The following CNKSR3 variants were observed in gnomAD, a reference collection of about 807,000 sequenced individuals.
CNKSR3 encodes CNKSR family member 3, also known as connector enhancer of kinase suppressor of ras 3.
Under a neutral mutation model 67.7 loss-of-function variants are expected in CNKSR3, and 36 were observed. That is an observed-to-expected ratio of 0.53 (90% confidence interval 0.41 to 0.70). The LOEUF (loss-of-function observed/expected upper bound fraction) is 0.70, where lower values mean the gene tolerates loss of function less well. Among genes scored for constraint, CNKSR3 ranks in the 30% least tolerant of loss-of-function variants. CNKSR3 has a pLI of 0.00. For missense variants in CNKSR3, 630 were observed against 695.2 expected (o/e 0.91, Z 1.05); for synonymous variants, 281 against 271.4 (o/e 1.04, Z -0.35).
chr6:154,499,192 C>A (rs2114657309), intron 1 of CNKSR3, among the ~76,000 whole-genome samples: 1 of 152,354 alleles, frequency 6.6e-6, no homozygotes, highest in Admixed American at 6.5e-5. Context: ...CATTACTCAT[C>A]TACTTAAATA....
chr6:154,470,078 A>G (rs1786289655), intron 1 of CNKSR3, among the ~76,000 whole-genome samples: 1 of 151,578 alleles, frequency 6.6e-6, no homozygotes, highest in African/African-American at 2.4e-5. Context: ...TCAAGGGTCT[A>G]CTGTAATTTG....
chr6:154,419,685 T>C (rs1328036690), intron 9 of CNKSR3, among the ~76,000 whole-genome samples: 2 of 152,138 alleles, frequency 1.3e-5, no homozygotes, highest in African/African-American at 4.8e-5. Flanking sequence ...ACCCTCATGT[T>C]CACTGCAGCA....
chr6:154,481,643 T>A (rs1309909575), intron 1 of CNKSR3, among the ~76,000 whole-genome samples: 1 of 152,232 alleles, frequency 6.6e-6, no homozygotes, highest in Admixed American at 6.5e-5. Flanking sequence ...TTATGCTGTA[T>A]GATTTTATGC....
chr6:154,458,165 T>C (rs1785998408), intron 1 of CNKSR3, among the ~76,000 whole-genome samples: 1 of 152,236 alleles, frequency 6.6e-6, no homozygotes, highest in African/African-American at 2.4e-5. Context: ...ATTTACTACC[T>C]GGCCCAGGTT....
chr6:154,471,245 T>C (rs900173401), intron 1 of CNKSR3, among the ~76,000 whole-genome samples: 1 of 152,222 alleles, frequency 6.6e-6, no homozygotes, highest in African/African-American at 2.4e-5. Flanking sequence ...AAGTCACTGC[T>C]ATAAATATGT....
intron 1 of CNKSR3, among the ~76,000 whole-genome samples, chr6:154,495,007 C>G (rs894345060): frequency 2.0e-5 from 3 of 152,174 alleles, no homozygotes; most frequent in Admixed American, 2.0e-4. Context: ...ATTTTGTAGT[C>G]GATGACTTAG....
In CNKSR3 at chr6:154,389,354, C is replaced by T. The variant is rs68098758; in HGVS notation, c.*17000G>A. On this transcript the variant is annotated 3_prime_UTR_variant, in exon 13 of 13. Transcript: ENST00000607772. ...CCATGTGTTGAAGAGACTATCCTTTCCCCATTATGTATTCTTGGCACCATT... is the reference window on the plus strand; with the variant it reads ...CCATGTGTTGAAGAGACTATCCTTTTCCCATTATGTATTCTTGGCACCATT... The T allele has an allele frequency of 0.11, 16,166 of 152,450 alleles. 1,162 individuals are homozygous for T. Among genetic ancestry groups the T allele is most frequent in the Admixed American group, 0.24 (3,674 of 15,286 alleles). The allele number at this position is 152,450 out of a possible 1,614,324, so 9.4% of individuals were successfully genotyped here.
chr6:154,454,732 G>A (rs1201011387), intron 1 of CNKSR3, among the ~76,000 whole-genome samples: 1 of 151,610 alleles, frequency 6.6e-6, no homozygotes, highest in African/African-American at 2.4e-5. Context: ...ATGTTGCCCA[G>A]GCTGGTCTTG....
intron 1 of CNKSR3, among the ~76,000 whole-genome samples, chr6:154,498,990 T>C (rs974815883): frequency 6.6e-6 from 1 of 152,144 alleles, no homozygotes; most frequent in Non-Finnish European, 1.5e-5. Flanking sequence ...AAATTCCACA[T>C]GAAAGCTAAA....
At chr6:154,500,472 T>C (rs1311606443) in intron 1 of CNKSR3, among the ~76,000 whole-genome samples, 2 of 152,178 alleles carry the variant, frequency 1.3e-5, no homozygotes, top group Non-Finnish European at 2.9e-5. Context: ...ACAGACTGTC[T>C]CCTTTTGGGG....
intron 6 of CNKSR3, 45 bp downstream of exon 6, chr6:154,430,427 T>C: frequency 6.5e-7 from 1 of 1,537,880 alleles, no homozygotes; most frequent in Non-Finnish European, 8.8e-7. Context: ...TAGTAAATGA[T>C]GATGTATGTT....
intron 1 of CNKSR3, among the ~76,000 whole-genome samples, chr6:154,459,240 T>C (rs999802422): frequency 2.0e-5 from 3 of 151,700 alleles, no homozygotes; most frequent in East Asian, 1.9e-4. Flanking sequence ...GTTTTGACCC[T>C]GATCAGAGCT....
intron 1 of CNKSR3, among the ~76,000 whole-genome samples, chr6:154,481,497 G>A (rs1170481807): frequency 2.0e-5 from 3 of 152,206 alleles, no homozygotes; most frequent in Middle Eastern, 3.2e-3. Flanking sequence ...GAGCATGAAA[G>A]TCCATCTCTC....
chr6:154,430,507 C>T lies in CNKSR3; in HGVS notation c.634G>A (p.Val212Ile), dbSNP rs1356741190. ...VMSQCACLEE[V>I]HLPNIKPGEG... is the part of the protein sequence containing the mutation. ...CCAGGTTTAATGTTTGGTAAGTGAACTTCCTCCAGACATGCACACTGGCTC... is the reference window on the plus strand; with the variant it reads ...CCAGGTTTAATGTTTGGTAAGTGAATTTCCTCCAGACATGCACACTGGCTC... The change falls in exon 6 of 13, where the codon GTT (valine) becomes ATT (isoleucine). Residue 212 changes from valine (V) to isoleucine (I), a missense_variant. By Grantham distance (29) the Val-to-Ile change is conservative (BLOSUM62 3). Coordinates refer to ENST00000607772, the MANE Select transcript of CNKSR3 (RefSeq NM_173515.4). 1 of 1,612,176 alleles carries T rather than the reference C, an allele frequency of 6.2e-7. No individual in the cohort carries two copies. The highest frequency in any genetic ancestry group is 1.1e-5 in the South Asian group (1 of 90,720).
In CNKSR3 at chr6:154,510,564, G is replaced by A. The variant is rs1339612070; in HGVS notation, c.-450C>T. On this transcript the variant is annotated 5_prime_UTR_variant, in exon 1 of 13. Coordinates refer to ENST00000607772, the MANE Select transcript of CNKSR3 (RefSeq NM_173515.4). ...CCCGCTCCGCGTGCGCTGGCGTCCC[G>A]GAGCCTTCCCGGCGCAGGTCCCACC... 1.1e-5 allele frequency: 2 copies of A among 185,024 alleles called. No homozygotes were observed. Among genetic ancestry groups the A allele is most frequent in the African/African-American group, 4.8e-5 (2 of 41,768 alleles). 11.5% of individuals were successfully genotyped at this position (185,024 alleles called of 1,614,324 possible). A position where few individuals can be genotyped will look rare whatever the true frequency, so the allele number is the denominator to read the frequency against.
intron 12 of CNKSR3, among the ~76,000 whole-genome samples, chr6:154,409,102 C>T (rs1657932961): frequency 1.3e-5 from 2 of 152,160 alleles, no homozygotes; most frequent in Non-Finnish European, 2.9e-5. Flanking sequence ...GGTACCCAGG[C>T]ATCTTTCCCT....
chr6:154,426,946 T>C (rs1785268498), intron 7 of CNKSR3, among the ~76,000 whole-genome samples: 1 of 152,192 alleles, frequency 6.6e-6, no homozygotes, highest in Non-Finnish European at 1.5e-5. Context: ...CGATCAAGGA[T>C]GAAGGAAGAA....
intron 1 of CNKSR3, among the ~76,000 whole-genome samples, chr6:154,495,178 T>G (rs577458649): frequency 6.6e-6 from 1 of 152,112 alleles, no homozygotes; most frequent in Admixed American, 6.5e-5. Context: ...CATGACACAA[T>G]TAGAATGCTG....
Position 154,392,701 on chromosome 6 carries a change from G to A in CNKSR3, c.*13653C>T, listed in dbSNP as rs905205665. The A allele has an allele frequency of 7.2e-5, 11 of 152,256 alleles. No homozygotes were observed. Among genetic ancestry groups the A allele is most frequent in the Non-Finnish European group, 8.8e-5 (6 of 68,064 alleles). The allele number at this position is 152,256 out of a possible 1,614,324, so 9.4% of individuals were successfully genotyped here. ...CAGCAGGATTTGCTTCATTAGCATC[G>A]ATGTTTGGGGAACAAGGAGCCCTTG... is the stretch of plus-strand genomic sequence containing the variant. On this transcript the variant is annotated 3_prime_UTR_variant, in exon 13 of 13. Coordinates refer to ENST00000607772, the MANE Select transcript of CNKSR3 (RefSeq NM_173515.4).
Sources: allele counts gnomAD v4.1 joint callset (sites outside exome capture counted in the v4.1 genomes callset), GRCh38; gene constraint gnomAD v4.1.1; transcripts MANE v1.5; gene names NCBI Gene and HGNC (gene_info 2026-07-23, HGNC 2026-07-21).